PLA2G7: variants seen among roughly 807,000 people sequenced by gnomAD.
PLA2G7 encodes platelet-activating factor acetylhydrolase.
In PLA2G7, 63 loss-of-function variants were observed where a neutral mutation model predicts 49.6. The ratio of observed to expected loss-of-function variants is 1.27; its 90% CI spans 1.04 to 1.57. The LOEUF is 1.57. Among genes scored for constraint, PLA2G7 ranks in the 40% most tolerant of loss-of-function variants. The pLI, the probability that PLA2G7 is intolerant of heterozygous loss-of-function variation, is 0.00. For missense variants in PLA2G7, 596 were observed against 521.2 expected, an observed-to-expected ratio of 1.14 and a Z score of -1.40; for synonymous variants, 193 against 169.9, an observed-to-expected ratio of 1.14 and a Z score of -1.06.
rs368946627 is a variant in PLA2G7, at chr6:46,704,441, TTCTC to T, written c.*115_*118del. 227 of 552,314 alleles carry T rather than the reference TTCTC, an allele frequency of 4.1e-4. No individual in the cohort carries two copies. Among genetic ancestry groups the T allele is most frequent in the African/African-American group, 1.0e-3 (52 of 51,042 alleles). The allele number at this position is 552,314 out of a possible 1,614,324, so 34.2% of individuals were successfully genotyped here. A position where few individuals can be genotyped will look rare whatever the true frequency, so the allele number is the denominator to read the frequency against. ...AGTCCTTTGGGAAAATACATTAAAA[TTCTC>T]TCTCTCTCTCTCTCTCTCTCTCTCT... On this transcript the variant is annotated 3_prime_UTR_variant, in exon 12 of 12. Coordinates refer to ENST00000274793, the MANE Select transcript of PLA2G7 (RefSeq NM_005084.4).
Position 46,705,233 on chromosome 6 carries a change from T to A in PLA2G7, c.1109A>T (p.Lys370Ile). The A allele has an allele frequency of 6.2e-7, 1 of 1,610,006 alleles. No homozygotes were observed. The highest frequency in any genetic ancestry group is 2.2e-5 in the East Asian group (1 of 44,826). Residue 370 changes from lysine (K) to isoleucine (I), a missense_variant, in exon 11 of 12, where the codon AAA (lysine) becomes ATA (isoleucine). Transcript: ENST00000274793. ...ATTTGAATCTATGTCTCCCTTTAAT[T>A]TGAGCATGTGTCCAATTATTTTGCC... ...ATGKIIGHML[K>I]LKGDIDSNVA...
chr6:46,709,030 AT>A (rs1764920982), intron 9 of PLA2G7, among the ~76,000 whole-genome samples: 1 of 152,190 alleles, frequency 6.6e-6, no homozygotes, highest in Non-Finnish European at 1.5e-5. Flanking sequence ...TATCACAATC[AT>A]TATGTCACAA....
intron 2 of PLA2G7, among the ~76,000 whole-genome samples, chr6:46,717,736 A>G (rs1180060386): frequency 7.2e-6 from 1 of 138,776 alleles, no homozygotes; most frequent in African/African-American, 2.7e-5. Flanking sequence ...TTTTTGAGAC[A>G]GAGTCTCACC....
intron 2 of PLA2G7, among the ~76,000 whole-genome samples, chr6:46,720,226 C>T (rs1451306296): frequency 1.3e-5 from 2 of 152,238 alleles, no homozygotes; most frequent in Non-Finnish European, 2.9e-5. Context: ...GAGACACTAC[C>T]TCTAGAATTG....
chr6:46,728,348 G>T (rs543260948), intron 1 of PLA2G7, among the ~76,000 whole-genome samples: 1 of 152,152 alleles, frequency 6.6e-6, no homozygotes, highest in South Asian at 2.1e-4. Flanking sequence ...TAGCAGTCAG[G>T]GATGCTGTTA....
chr6:46,712,834 T>A (rs1382068552), intron 5 of PLA2G7, among the ~76,000 whole-genome samples: 1 of 152,204 alleles, frequency 6.6e-6, no homozygotes. Flanking sequence ...TTGTAAGGTT[T>A]TGCTAAGATA....
At chr6:46,719,855 G>T (rs1301829937) in intron 2 of PLA2G7, among the ~76,000 whole-genome samples, 2 of 152,228 alleles carry the variant, frequency 1.3e-5, no homozygotes, top group African/African-American at 4.8e-5. Flanking sequence ...AATCTGTGCT[G>T]AGTCCTTAGG....
chr6:46,710,258 T>A (rs922177813), intron 8 of PLA2G7, among the ~76,000 whole-genome samples: 3 of 152,152 alleles, frequency 2.0e-5, no homozygotes, highest in Non-Finnish European at 2.9e-5. Flanking sequence ...GAGCTGTCCA[T>A]GAAATAATAA....
At chr6:46,718,005 C>T (rs1333889434) in intron 2 of PLA2G7, among the ~76,000 whole-genome samples, 6 of 152,178 alleles carry the variant, frequency 3.9e-5, no homozygotes, top group Admixed American at 3.3e-4. Context: ...CGTGAACCAC[C>T]ACGCCCAGCC....
intron 2 of PLA2G7, among the ~76,000 whole-genome samples, chr6:46,720,212 G>T (rs1370238113): frequency 6.6e-6 from 1 of 152,242 alleles, no homozygotes. Flanking sequence ...CACAGCTGCT[G>T]TTGGAGACAC....
intron 5 of PLA2G7, among the ~76,000 whole-genome samples, chr6:46,713,724 G>T (rs1311835541): frequency 6.6e-6 from 1 of 152,154 alleles, no homozygotes; most frequent in Non-Finnish European, 1.5e-5. Context: ...GGTGGTTGTT[G>T]TTATGAAAAT....
At chr6:46,718,935 G>T (rs1765304316) in intron 2 of PLA2G7, among the ~76,000 whole-genome samples, 1 of 152,128 alleles carries the variant, frequency 6.6e-6, no homozygotes, top group African/African-American at 2.4e-5. Context: ...AATGGCCACT[G>T]GTCTCTCTTG....
In PLA2G7 at chr6:46,733,338, C is replaced by A. The variant is rs190413228; in HGVS notation, c.-35+1842G>T. 1.1e-3 allele frequency among the ~76,000 whole-genome samples: 160 copies of A among 152,294 alleles called. 2 individuals carry two copies. Among genetic ancestry groups the A allele is most frequent in the Admixed American group, 8.2e-3 (126 of 15,296 alleles). Reference sequence around the variant, plus strand: ...GGTTCTGTCTGAGGGAAAAGTCCTGCGGTGCTAAGCAAGCCCTTCCACACC... The same window carrying A: ...GGTTCTGTCTGAGGGAAAAGTCCTGAGGTGCTAAGCAAGCCCTTCCACACC... On this transcript the variant is annotated intron_variant, in intron 1 of 11. Transcript: ENST00000274793.
chr6:46,706,059 T>C (rs924479350), intron 10 of PLA2G7, among the ~76,000 whole-genome samples: 5 of 152,208 alleles, frequency 3.3e-5, no homozygotes, highest in Admixed American at 6.5e-5. Context: ...TTTCTCACTT[T>C]GCAATCTCTT....
intron 8 of PLA2G7, 72 bp from the exon 9 acceptor site, chr6:46,709,490 T>C: frequency 1.2e-6 from 1 of 859,114 alleles, no homozygotes; most frequent in South Asian, 1.3e-5. Flanking sequence ...GTCAATCATA[T>C]AATTGTTCAT....
intron 1 of PLA2G7, among the ~76,000 whole-genome samples, chr6:46,730,350 C>T (rs561694339): frequency 2.8e-4 from 42 of 152,310 alleles, no homozygotes; most frequent in African/African-American, 9.4e-4. Flanking sequence ...TCTTCTTTAT[C>T]AGAGGAGCAG....
chr6:46,727,794 T>G (rs1474874150), intron 1 of PLA2G7, among the ~76,000 whole-genome samples: 1 of 152,182 alleles, frequency 6.6e-6, no homozygotes, highest in Admixed American at 6.5e-5. Flanking sequence ...GGGCATGAGC[T>G]ATAACATGTG....
At chr6:46,718,217 C>T (rs1458290727) in intron 2 of PLA2G7, among the ~76,000 whole-genome samples, 2 of 152,208 alleles carry the variant, frequency 1.3e-5, no homozygotes, top group Admixed American at 1.3e-4. Context: ...ATTTAAAGCA[C>T]AAATCACACC....
chr6:46,711,687 G>A, intron 6 of PLA2G7, 68 bp from the exon 7 acceptor site: 1 of 1,526,334 alleles, frequency 6.6e-7, no homozygotes, highest in Non-Finnish European at 9.1e-7. Flanking sequence ...ATGTTTCTCA[G>A]TTCCATCCTT....
Sources: allele counts gnomAD v4.1 joint callset (sites outside exome capture counted in the v4.1 genomes callset), GRCh38; gene constraint gnomAD v4.1.1; transcripts MANE v1.5; gene names NCBI Gene and HGNC (gene_info 2026-07-23, HGNC 2026-07-21).